DPP10: variants seen among roughly 807,000 people sequenced by gnomAD.
DPP10 encodes the protein dipeptidyl peptidase like 10, also known as inactive dipeptidyl peptidase 10.
Under a neutral mutation model 120.9 loss-of-function variants are expected in DPP10, and 33 were observed. The ratio of observed to expected loss-of-function variants is 0.27; its 90% CI spans 0.21 to 0.37. The LOEUF (loss-of-function observed/expected upper bound fraction) is 0.37. Ranked by LOEUF, DPP10 falls within the 10% of genes least tolerant of loss-of-function variation. The pLI, the probability that DPP10 is intolerant of heterozygous loss-of-function variation, is 1.00. For missense variants in DPP10, 816 were observed against 942.8 expected (o/e 0.87, Z 1.76); for synonymous variants, 337 against 326.1 (o/e 1.03, Z -0.36).
intron 1 of DPP10, among the ~76,000 whole-genome samples, chr2:114,980,946 A>G (rs1700046112): frequency 2.0e-5 from 3 of 152,090 alleles, no homozygotes; most frequent in African/African-American, 7.2e-5. Flanking sequence ...ATATTTAAAG[A>G]AAAAAATTTA....
At chr2:115,388,904 T>C (rs569089491) in intron 3 of DPP10, among the ~76,000 whole-genome samples, 3 of 137,204 alleles carry the variant, frequency 2.2e-5, no homozygotes, top group South Asian at 5.1e-4. Flanking sequence ...CTGGCTATTA[T>C]AGAAACTTTA....
chr2:115,559,221 T>C (rs2080413694), intron 5 of DPP10, among the ~76,000 whole-genome samples: 1 of 152,154 alleles, frequency 6.6e-6, no homozygotes, highest in African/African-American at 2.4e-5. Flanking sequence ...GTTACCCAAA[T>C]GGGATGAGTG....
chr2:115,183,329 G>A (rs1183786059), intron 1 of DPP10, among the ~76,000 whole-genome samples: 1 of 152,060 alleles, frequency 6.6e-6, no homozygotes, highest in East Asian at 1.9e-4. Flanking sequence ...GTGGAATTTG[G>A]GAATAAAGCC....
intron 19 of DPP10, among the ~76,000 whole-genome samples, chr2:115,802,341 C>T (rs981889961): frequency 6.6e-6 from 1 of 152,034 alleles, no homozygotes; most frequent in Non-Finnish European, 1.5e-5. Context: ...ATTAGTCTTC[C>T]TAGCGGTCTA....
In DPP10 at chr2:115,776,841, G is replaced by C. The variant is rs958245541; in HGVS notation, c.1222-367G>C. On this transcript the variant is annotated intron_variant, in intron 13 of 25. Coordinates refer to ENST00000410059, the MANE Select transcript of DPP10 (RefSeq NM_020868.6). The stretch of plus-strand genomic sequence containing the variant: ...TGAATACAAACCTGAGTATTTATTG[G>C]AGTAAAGTTTGTTCTAAAATGTTTT... Among the ~76,000 whole-genome samples the C allele has an allele frequency of 7.3e-5, 10 of 136,282 alleles. No individual in the cohort carries two copies. The South Asian group carries it at 7.7e-4, about 10-fold the overall frequency. 89.4% of individuals were successfully genotyped at this position (136,282 alleles called of 152,430 possible).
At chr2:115,553,455 T>C (rs954314209) in intron 5 of DPP10, among the ~76,000 whole-genome samples, 2 of 152,074 alleles carry the variant, frequency 1.3e-5, no homozygotes, top group African/African-American at 4.8e-5. Context: ...TTTCATACAT[T>C]ATAGTTTTTC....
At chr2:114,933,373 A>ACACCTCAG (rs1332404383) in intron 1 of DPP10, among the ~76,000 whole-genome samples, 13 of 152,188 alleles carry the variant, frequency 8.5e-5, no homozygotes, top group Non-Finnish European at 2.9e-5. Flanking sequence ...ACCCTCTTCA[A>ACACCTCAG]CACCTCAGCA....
chr2:115,457,841 A>G (rs974658308), intron 3 of DPP10, among the ~76,000 whole-genome samples: 1 of 152,172 alleles, frequency 6.6e-6, no homozygotes, highest in Non-Finnish European at 1.5e-5. Context: ...ACATACAGCT[A>G]TGCAAAATCT....
intron 5 of DPP10, among the ~76,000 whole-genome samples, chr2:115,669,269 T>G (rs2089690569): frequency 6.6e-6 from 1 of 152,130 alleles, no homozygotes; most frequent in Non-Finnish European, 1.5e-5. Flanking sequence ...TTATTGTATT[T>G]AAGTGTTTAA....
chr2:115,338,726 A>G (rs761604162), intron 2 of DPP10, among the ~76,000 whole-genome samples: 6 of 152,018 alleles, frequency 3.9e-5, no homozygotes, highest in Non-Finnish European at 8.8e-5. Flanking sequence ...CATAGACACA[A>G]AACAAAATAA....
Position 114,711,434 on chromosome 2 carries a change from C to A in DPP10, c.60+268596C>A, listed in dbSNP as rs550367361. 2.0e-4 allele frequency among the ~76,000 whole-genome samples: 31 copies of A among 152,278 alleles called. 1 individual carries two copies. The Middle Eastern group carries it at 0.017, about 84-fold the overall frequency. On this transcript the variant is annotated intron_variant, in intron 1 of 25. Transcript: ENST00000410059. ...GTTCAGGATCCAGCTGCCTGGGTTA[C>A]AATGGGTGGCCCTTTAGGGTGTACA...
chr2:114,501,078 T>C (rs1683129405), intron 1 of DPP10, among the ~76,000 whole-genome samples: 2 of 152,218 alleles, frequency 1.3e-5, no homozygotes, highest in African/African-American at 2.4e-5. Flanking sequence ...ACCCCAGGTC[T>C]CATAGCTTTT....
intron 2 of DPP10, among the ~76,000 whole-genome samples, chr2:115,318,694 C>G (rs372417500): frequency 1.3e-5 from 2 of 151,848 alleles, no homozygotes; most frequent in Non-Finnish European, 2.9e-5. Context: ...TAAATAGAAC[C>G]TTAATATTCT....
chr2:115,432,406 G>T (rs1370507470), intron 3 of DPP10, among the ~76,000 whole-genome samples: 3 of 151,988 alleles, frequency 2.0e-5, no homozygotes, highest in African/African-American at 4.8e-5. Context: ...GCTCTCATTG[G>T]TTCTGCTTGT....
At chr2:114,732,628 G>T (rs1164163458) in intron 1 of DPP10, among the ~76,000 whole-genome samples, 1 of 152,140 alleles carries the variant, frequency 6.6e-6, no homozygotes, top group Non-Finnish European at 1.5e-5. Context: ...CACGTAATTT[G>T]CATTTTAGAA....
chr2:115,174,107 A>G (rs1489771384), intron 1 of DPP10, among the ~76,000 whole-genome samples: 1 of 152,190 alleles, frequency 6.6e-6, no homozygotes, highest in Non-Finnish European at 1.5e-5. Flanking sequence ...AAGAAGATGT[A>G]TTGTATAGAT....
intron 1 of DPP10, among the ~76,000 whole-genome samples, chr2:114,731,843 C>G (rs908416615): frequency 6.6e-6 from 1 of 152,132 alleles, no homozygotes; most frequent in Admixed American, 6.5e-5. Context: ...TTAGAGCAAG[C>G]AGACAAGGGT....
chr2:114,738,398 A>C (rs1333189308), intron 1 of DPP10, among the ~76,000 whole-genome samples: 1 of 152,134 alleles, frequency 6.6e-6, no homozygotes, highest in Non-Finnish European at 1.5e-5. Flanking sequence ...TCCTTCTCTC[A>C]CTGCTATGGG....
chr2:115,234,181 A>G (rs1383084728), intron 1 of DPP10, among the ~76,000 whole-genome samples: 1 of 152,090 alleles, frequency 6.6e-6, no homozygotes, highest in African/African-American at 2.4e-5. Context: ...TTGCATTACA[A>G]TCAAGTTGGC....
Sources: gnomAD v4.1 joint callset for allele counts (sites outside exome capture counted in the v4.1 genomes callset) on GRCh38, gnomAD v4.1.1 for gene constraint, MANE v1.5 for transcripts, NCBI Gene and HGNC (gene_info 2026-07-23, HGNC 2026-07-21) for gene names.